PSMD12: variants seen among roughly 807,000 people sequenced by gnomAD.
The protein encoded by PSMD12 is 26S proteasome non-ATPase regulatory subunit 12.
In PSMD12, 8 loss-of-function variants were observed where a neutral mutation model predicts 62.9. The ratio of observed to expected loss-of-function variants is 0.13; its 90% CI spans 0.07 to 0.23. The LOEUF (loss-of-function observed/expected upper bound fraction) is 0.23. Ranked by LOEUF, PSMD12 falls within the 10% of genes least tolerant of loss-of-function variation. PSMD12 has a pLI of 1.00. For missense variants in PSMD12, 424 were observed against 550.2 expected (o/e 0.77, Z 2.29); for synonymous variants, 173 against 187.4 (o/e 0.92, Z 0.63).
At chr17:67,364,778 G>A (rs1433446105) in intron 1 of PSMD12, among the ~76,000 whole-genome samples, 1 of 152,030 alleles carries the variant, frequency 6.6e-6, no homozygotes, top group East Asian at 1.9e-4. Flanking sequence ...CATCTTCCTG[G>A]TTTCTCCCTC....
rs1452971117 is a variant in PSMD12 at position 67,339,400 on chromosome 17, T to G, written c.*1443A>C. The G allele has an allele frequency of 6.6e-6, 1 of 152,146 alleles. No individual in the cohort carries two copies. Among genetic ancestry groups the G allele is most frequent in the Non-Finnish European group, 1.5e-5 (1 of 68,036 alleles). 9.4% of individuals were successfully genotyped at this position (152,146 alleles called of 1,614,324 possible). On this transcript the variant is annotated 3_prime_UTR_variant, in exon 11 of 11. Coordinates refer to ENST00000356126, the MANE Select transcript of PSMD12 (RefSeq NM_002816.5). ...TGCTGGGATCCACTGCACCCGGCCT[T>G]TTTTGGTTAGTTTTAAAAAGATAAG...
At position 67,343,756 on chromosome 17, in the gene PSMD12, T is replaced by C. The variant is rs113267128; in HGVS notation, c.1083+850A>G. Among the ~76,000 whole-genome samples the C allele has an allele frequency of 7.2e-3, 1,103 of 152,252 alleles. 12 individuals are homozygous for C. Among genetic ancestry groups the C allele is most frequent in the African/African-American group, 0.025 (1,019 of 41,538 alleles). On this transcript the variant is annotated intron_variant, in intron 9 of 10. Transcript: ENST00000356126. The stretch of plus-strand genomic sequence containing the variant: ...TCTTGCTCTGTCACCCAGGCTGGAG[T>C]GCATTGGTGTGATCTCCGTTCACTG...
intron 1 of PSMD12, among the ~76,000 whole-genome samples, chr17:67,358,363 T>C (rs1389650894): frequency 1.3e-5 from 2 of 148,944 alleles, no homozygotes; most frequent in East Asian, 3.9e-4. Context: ...AACTCAGGAG[T>C]TCGAGACCAG....
chr17:67,343,697 G>C (rs375430343), intron 9 of PSMD12, among the ~76,000 whole-genome samples: 1 of 152,188 alleles, frequency 6.6e-6, no homozygotes, highest in South Asian at 2.1e-4. Flanking sequence ...TAAAGGTAGA[G>C]TAATGGGTAA....
intron 1 of PSMD12, among the ~76,000 whole-genome samples, chr17:67,362,598 G>A (rs1300970049): frequency 1.3e-5 from 2 of 149,368 alleles, no homozygotes; most frequent in Admixed American, 1.3e-4. Context: ...GGAGATGGAG[G>A]TTGCAGTGAG....
chr17:67,363,709 A>T (rs1332457453), intron 1 of PSMD12, among the ~76,000 whole-genome samples: 2 of 151,746 alleles, frequency 1.3e-5, no homozygotes, highest in African/African-American at 2.4e-5. Flanking sequence ...TGCAATGTTA[A>T]TTTTTTTTTA....
chr17:67,356,474 C>T (rs930272601), intron 3 of PSMD12, among the ~76,000 whole-genome samples: 2 of 130,798 alleles, frequency 1.5e-5, no homozygotes, highest in East Asian at 2.5e-4. Context: ...AGGAGAATGG[C>T]GTGAACCCGG....
intron 1 of PSMD12, among the ~76,000 whole-genome samples, chr17:67,365,340 T>C (rs939855745): frequency 6.6e-6 from 1 of 152,156 alleles, no homozygotes; most frequent in Non-Finnish European, 1.5e-5. Context: ...TCTTGGGGCA[T>C]GTGATTCAAC....
chr17:67,361,161 C>T (rs1451108006), intron 1 of PSMD12: 2 of 152,114 alleles, frequency 1.3e-5, no homozygotes, highest in African/African-American at 4.8e-5. Flanking sequence ...ATGATGTAAG[C>T]GACTAATGAG....
chr17:67,347,143 T>C lies in PSMD12; in HGVS notation c.768A>G (p.Ile256Met). Residue 256 changes from isoleucine to methionine, a missense_variant, in exon 7 of 11, where the codon ATA (isoleucine) becomes ATG (methionine). Physicochemically the swap from Ile to Met is conservative, Grantham distance 10. Transcript: ENST00000356126. ...GCTGCCATTTTTCACTTTCTGCCTG[T>C]ATACAGGGAGTATCATATATTGCTC... is the stretch of plus-strand genomic sequence containing the variant. ...HYRAIYDTPC[I>M]QAESEKWQQA... is the part of the protein sequence containing the mutation. 2 of 1,609,944 alleles carry C rather than the reference T, an allele frequency of 1.2e-6. No individual in the cohort carries two copies. Among genetic ancestry groups the C allele is most frequent in the Non-Finnish European group, 1.7e-6 (2 of 1,177,682 alleles).
intron 4 of PSMD12, 27 bp downstream of exon 4, chr17:67,350,202 T>C: frequency 6.8e-7 from 1 of 1,473,392 alleles, no homozygotes; most frequent in Non-Finnish European, 9.4e-7. Flanking sequence ...TTCATATCAT[T>C]TTGAGTTATG....
At chr17:67,352,794 A>C (rs982549117) in intron 3 of PSMD12, among the ~76,000 whole-genome samples, 1 of 152,206 alleles carries the variant, frequency 6.6e-6, no homozygotes, top group African/African-American at 2.4e-5. Context: ...GTGTCTCCAC[A>C]CTACCCACCC....
intron 9 of PSMD12, 129 bp downstream of exon 9, chr17:67,344,477 A>G: frequency 2.3e-6 from 2 of 883,834 alleles, no homozygotes; most frequent in Non-Finnish European, 3.4e-6. Flanking sequence ...ATAACATCCT[A>G]AATGAACATT....
Position 67,357,438 on chromosome 17 carries a change from G to A in PSMD12, c.169-7C>T, listed in dbSNP as rs199933602. On this transcript the variant is annotated splice_region_variant and splice_polypyrimidine_tract_variant and intron_variant, in intron 2 of 10. Coordinates refer to ENST00000356126, the MANE Select transcript of PSMD12 (RefSeq NM_002816.5). ...TCGATACCATATCGGAAGCCTGTAAGGGTAAAAATATATTGAAAGTTAATG... is the reference window on the plus strand; with the variant it reads ...TCGATACCATATCGGAAGCCTGTAAAGGTAAAAATATATTGAAAGTTAATG... 1.7e-5 allele frequency: 27 copies of A among 1,613,226 alleles called. No homozygotes were observed. Among genetic ancestry groups the A allele is most frequent in the African/African-American group, 2.7e-5 (2 of 74,882 alleles).
At chr17:67,349,183 C>T (rs745592306) in intron 4 of PSMD12, among the ~76,000 whole-genome samples, 7 of 152,128 alleles carry the variant, frequency 4.6e-5, no homozygotes, top group African/African-American at 9.7e-5. Flanking sequence ...CCACGCCCAG[C>T]TAATTTTGTA....
chr17:67,360,114 C>T (rs1044306500), intron 1 of PSMD12, among the ~76,000 whole-genome samples: 1 of 141,354 alleles, frequency 7.1e-6, no homozygotes, highest in Admixed American at 7.1e-5. Flanking sequence ...TCTCACCTTT[C>T]GCTTTGATCA....
Position 67,339,143 on chromosome 17 carries a change from T to C in PSMD12, c.*1700A>G, listed in dbSNP as rs1216750101. 2 of 151,754 alleles carry C rather than the reference T, an allele frequency of 1.3e-5. No individual in the cohort carries two copies. The highest frequency in any genetic ancestry group is 3.9e-4 in the East Asian group (2 of 5,150). 9.4% of individuals were successfully genotyped at this position (151,754 alleles called of 1,614,324 possible). A position where few individuals can be genotyped will look rare whatever the true frequency, so the allele number is the denominator to read the frequency against. ...TTTTTTTTGAGACGGAGTCTCACTC[T>C]GTCACCCAGGCTGGAGTGCAATGGT... is the stretch of plus-strand genomic sequence containing the variant. On this transcript the variant is annotated 3_prime_UTR_variant, in exon 11 of 11. Transcript: ENST00000356126.
At chr17:67,342,930 A>G (rs2041928687) in intron 9 of PSMD12, among the ~76,000 whole-genome samples, 1 of 144,994 alleles carries the variant, frequency 6.9e-6, no homozygotes, top group African/African-American at 2.6e-5. Flanking sequence ...AGCTACACTG[A>G]CTCTCTTTCA....
At chr17:67,344,953 CAGT>C (rs2041950899) in intron 8 of PSMD12, among the ~76,000 whole-genome samples, 173 bp from the exon 9 acceptor site, 1 of 152,222 alleles carries the variant, frequency 6.6e-6, no homozygotes, top group African/African-American at 2.4e-5. Context: ...ATTTTTCCCA[CAGT>C]AGTTCAGAAT....
Sources: gnomAD v4.1 joint callset for allele counts (sites outside exome capture counted in the v4.1 genomes callset) on GRCh38, gnomAD v4.1.1 for gene constraint, MANE v1.5 for transcripts, NCBI Gene and HGNC (gene_info 2026-07-23, HGNC 2026-07-21) for gene names.